Variants in IFT81 observed in about 807,000 individuals in gnomAD.
IFT81 encodes the protein intraflagellar transport 81.
Under a neutral mutation model 102.6 loss-of-function variants are expected in IFT81, and 72 were observed. That is an observed-to-expected ratio of 0.70 (90% CI 0.58 to 0.85). The LOEUF (loss-of-function observed/expected upper bound fraction) is 0.85. Ranked by LOEUF, IFT81 falls within the 40% of genes least tolerant of loss-of-function variation. IFT81 has a pLI of 0.00. For missense variants in IFT81, 723 were observed against 787.3 expected, an observed-to-expected ratio of 0.92 and a Z score of 0.98; for synonymous variants, 237 against 242.7, an observed-to-expected ratio of 0.98 and a Z score of 0.22.
chr12:110,127,906 G>A (rs573292052), intron 2 of IFT81, 140 bp from the exon 3 acceptor site: 14 of 623,044 alleles, frequency 2.2e-5, no homozygotes, highest in African/African-American at 2.2e-4. Flanking sequence ...CTTGGAATCT[G>A]GGGGCCTCCA....
At chr12:110,190,814 AT>A in intron 12 of IFT81, 105 bp from the exon 13 acceptor site, 2 of 1,016,008 alleles carry the variant, frequency 2.0e-6, no homozygotes, top group Non-Finnish European at 2.7e-6. Context: ...TTCTAAACTA[AT>A]TAATTCTATT....
intron 9 of IFT81, among the ~76,000 whole-genome samples, chr12:110,145,891 A>G (rs2137370558): frequency 6.6e-6 from 1 of 151,496 alleles, no homozygotes; most frequent in African/African-American, 2.4e-5. Flanking sequence ...GCTCACTGCA[A>G]CCTCCACCTC....
chr12:110,209,877 C>T (rs1593377498), intron 18 of IFT81, among the ~76,000 whole-genome samples: 1 of 151,918 alleles, frequency 6.6e-6, no homozygotes, highest in African/African-American at 2.4e-5. Context: ...CTAGTCTAAG[C>T]GCTTTACAAA....
intron 14 of IFT81, among the ~76,000 whole-genome samples, chr12:110,193,056 G>A (rs1167491595): frequency 6.6e-6 from 1 of 152,048 alleles, no homozygotes; most frequent in Non-Finnish European, 1.5e-5. Context: ...CCAGATTCTC[G>A]GGATGCTGAG....
At chr12:110,188,928 C>CAAA (rs1286295336) in intron 12 of IFT81, among the ~76,000 whole-genome samples, 1 of 132,698 alleles carries the variant, frequency 7.5e-6, no homozygotes. Context: ...GACTCCGTCT[C>CAAA]AAAAAAAAAA....
chr12:110,145,028 A>ATTTT (rs753990394), intron 9 of IFT81, among the ~76,000 whole-genome samples: 1 of 111,028 alleles, frequency 9.0e-6, no homozygotes, highest in African/African-American at 3.5e-5. Flanking sequence ...ACTATGCCTA[A>ATTTT]TTTTTTTTTT....
chr12:110,147,975 T>G (rs1895317371), intron 10 of IFT81, among the ~76,000 whole-genome samples: 1 of 152,218 alleles, frequency 6.6e-6, no homozygotes, highest in African/African-American at 2.4e-5. Flanking sequence ...TGACATTCCC[T>G]TGTCTCTCTT....
intron 4 of IFT81, among the ~76,000 whole-genome samples, chr12:110,131,151 G>A (rs1263398093): frequency 2.0e-5 from 3 of 151,894 alleles, no homozygotes; most frequent in Non-Finnish European, 4.4e-5. Context: ...GCATGGTGAC[G>A]TAAGCTTGTA....
chr12:110,205,345 ACT>A (rs1188692845), intron 15 of IFT81, 96 bp from the exon 16 acceptor site: 2 of 1,306,948 alleles, frequency 1.5e-6, no homozygotes, highest in African/African-American at 1.5e-5. Flanking sequence ...AGAGGAAATG[ACT>A]CTGATGGTAG....
intron 11 of IFT81, among the ~76,000 whole-genome samples, chr12:110,167,387 A>G (rs1896498326): frequency 6.6e-6 from 1 of 152,186 alleles, no homozygotes; most frequent in African/African-American, 2.4e-5. Flanking sequence ...GTGATAAAAG[A>G]TACATTTTCC....
intron 12 of IFT81, among the ~76,000 whole-genome samples, chr12:110,188,619 A>G (rs1897656651): frequency 6.6e-6 from 1 of 151,370 alleles, no homozygotes; most frequent in Non-Finnish European, 1.5e-5. Context: ...CGCACTTACC[A>G]TTCCACTAAA....
Position 110,143,409 on chromosome 12 carries a change from T to C in IFT81, c.809T>C (p.Ile270Thr), listed in dbSNP as rs1895014360. 1 of 1,429,562 alleles carries C rather than the reference T, an allele frequency of 7.0e-7. No individual in the cohort carries two copies. The highest frequency in any genetic ancestry group is 9.4e-7 in the Non-Finnish European group (1 of 1,068,660). The allele number at this position is 1,429,562 out of a possible 1,614,324, so 88.6% of individuals were successfully genotyped here. A position where few individuals can be genotyped will look rare whatever the true frequency, so the allele number is the denominator to read the frequency against. Residue 270 changes from isoleucine (I) to threonine (T), a missense_variant, in exon 9 of 19, where the codon ATA becomes ACA. Coordinates refer to ENST00000242591, the MANE Select transcript of IFT81 (RefSeq NM_014055.4). ...TTAATGAAGAGGCTAGAGGAGGAGA[T>C]AAAATTTAATTTATATATGGTAACT... Reference protein sequence around the residue: ...ESLMKRLEEEIKFNLYMVTEK... With the variant: ...ESLMKRLEEETKFNLYMVTEK...
intron 2 of IFT81, 30 bp from the exon 3 acceptor site, chr12:110,128,016 A>G (rs1893946260): frequency 1.4e-6 from 2 of 1,450,794 alleles, no homozygotes; most frequent in Admixed American, 1.7e-5. Flanking sequence ...ATATACAACA[A>G]TAACATGTTT....
At chr12:110,149,577 T>C (rs2137385190) in intron 10 of IFT81, among the ~76,000 whole-genome samples, 1 of 152,218 alleles carries the variant, frequency 6.6e-6, no homozygotes, top group Non-Finnish European at 1.5e-5. Context: ...TCTTGGAGAA[T>C]GGGTGTAAGG....
At chr12:110,146,834 G>A in intron 9 of IFT81, 119 bp from the exon 10 acceptor site, 1 of 1,246,128 alleles carries the variant, frequency 8.0e-7, no homozygotes, top group South Asian at 1.8e-5. Context: ...GTGAAACTGA[G>A]ACCTTGTCTT....
At chr12:110,204,504 G>A (rs1448309071) in intron 15 of IFT81, 1 of 154,338 alleles carries the variant, frequency 6.5e-6, no homozygotes, top group African/African-American at 2.4e-5. Context: ...TGAACTTCAT[G>A]TCCATGTGCT....
In IFT81 at chr12:110,180,328, A is replaced by G; in HGVS notation, c.1189-94A>G. The G allele has an allele frequency of 5.0e-6, 3 of 601,320 alleles. 1 individual carries two copies. In the South Asian group the frequency reaches 1.6e-4, roughly 31 times the overall value. The allele number at this position is 601,320 out of a possible 1,614,324, so 37.2% of individuals were successfully genotyped here. A position where few individuals can be genotyped will look rare whatever the true frequency, so the allele number is the denominator to read the frequency against. The stretch of plus-strand genomic sequence containing the variant: ...CGTGTGACATGTTGGGAAGTAGAGA[A>G]GAAAAAATGTGAATATATTGAGTTT... On this transcript the variant is annotated intron_variant, in intron 11 of 18. Coordinates refer to ENST00000242591, the MANE Select transcript of IFT81 (RefSeq NM_014055.4).
chr12:110,161,264 T>C (rs1160862430), intron 10 of IFT81, among the ~76,000 whole-genome samples: 1 of 149,480 alleles, frequency 6.7e-6, no homozygotes, highest in Non-Finnish European at 1.5e-5. Context: ...CCTCAGCCTC[T>C]CAAGTATCTG....
At chr12:110,143,135 A>G (rs937589133) in intron 8 of IFT81, among the ~76,000 whole-genome samples, 2 of 152,154 alleles carry the variant, frequency 1.3e-5, no homozygotes, top group African/African-American at 2.4e-5. Flanking sequence ...TTATAATTTG[A>G]AAGGGTCATA....
Sources: gnomAD v4.1 joint callset for allele counts (sites outside exome capture counted in the v4.1 genomes callset) on GRCh38, gnomAD v4.1.1 for gene constraint, MANE v1.5 for transcripts, NCBI Gene and HGNC (gene_info 2026-07-23, HGNC 2026-07-21) for gene names.